Variants in NRXN1 observed in about 807,000 individuals in gnomAD.
NRXN1 encodes the protein neurexin 1.
In NRXN1, 39 loss-of-function variants were observed where a neutral mutation model predicts 150.9. That is an observed-to-expected ratio of 0.26 (90% CI 0.20 to 0.34). The LOEUF (loss-of-function observed/expected upper bound fraction) is 0.34, where lower values mean the gene tolerates loss of function less well. Ranked by LOEUF, NRXN1 falls within the 10% of genes least tolerant of loss-of-function variation. The pLI is 1.00. For missense variants in NRXN1, 1,815 were observed against 1,949.9 expected (o/e 0.93, Z 1.30); for synonymous variants, 924 against 757.0 (o/e 1.22, Z -3.62).
chr2:50,850,266 T>G (rs1431365375), intron 5 of NRXN1, among the ~76,000 whole-genome samples: 1 of 151,800 alleles, frequency 6.6e-6, no homozygotes, highest in Non-Finnish European at 1.5e-5. Context: ...TTGTTGTTGT[T>G]GCTGTTGTTT....
At chr2:50,930,199 T>C (rs1242553919) in intron 2 of NRXN1, among the ~76,000 whole-genome samples, 1 of 152,060 alleles carries the variant, frequency 6.6e-6, no homozygotes, top group Admixed American at 6.6e-5. Flanking sequence ...CAACCAGTTT[T>C]TCTCCTTCTT....
At chr2:50,037,793 C>A (rs889892868) in intron 21 of NRXN1, among the ~76,000 whole-genome samples, 1 of 152,128 alleles carries the variant, frequency 6.6e-6, no homozygotes, top group African/African-American at 2.4e-5. Context: ...AAGTGCAATA[C>A]CATAAATACT....
chr2:50,937,833 G>A (rs988717604), intron 2 of NRXN1, among the ~76,000 whole-genome samples: 21 of 152,054 alleles, frequency 1.4e-4, no homozygotes, highest in Admixed American at 3.9e-4. Flanking sequence ...CCTCAGAAAT[G>A]GGGATACGTT....
intron 17 of NRXN1, among the ~76,000 whole-genome samples, chr2:50,366,668 T>G (rs1227608800): frequency 6.6e-6 from 1 of 151,998 alleles, no homozygotes; most frequent in Non-Finnish European, 1.5e-5. Flanking sequence ...AAGGTAGGTT[T>G]TGGTAGACTG....
At chr2:50,029,394 T>C (rs548926556) in intron 21 of NRXN1, among the ~76,000 whole-genome samples, 17 of 152,288 alleles carry the variant, frequency 1.1e-4, no homozygotes, top group African/African-American at 3.4e-4. Context: ...CAAATCCATA[T>C]ATATCAAAGC....
chr2:50,302,430 A>C (rs1305748232), intron 17 of NRXN1, among the ~76,000 whole-genome samples: 1 of 152,226 alleles, frequency 6.6e-6, no homozygotes, highest in Non-Finnish European at 1.5e-5. Flanking sequence ...TTCAAGATAC[A>C]TTTTGTCAAT....
At chr2:50,219,467 A>C (rs1354462336) in intron 18 of NRXN1, among the ~76,000 whole-genome samples, 3 of 151,942 alleles carry the variant, frequency 2.0e-5, no homozygotes, top group Admixed American at 6.6e-5. Flanking sequence ...AGATTTATAC[A>C]ATTTTATTGG....
intron 5 of NRXN1, among the ~76,000 whole-genome samples, chr2:50,692,494 C>G (rs904660207): frequency 2.0e-5 from 3 of 151,928 alleles, no homozygotes; most frequent in Non-Finnish European, 2.9e-5. Flanking sequence ...ACTTCTATTT[C>G]TTTTTAATTC....
chr2:49,933,782 G>T (rs1426089037), intron 22 of NRXN1, among the ~76,000 whole-genome samples: 1 of 152,182 alleles, frequency 6.6e-6, no homozygotes, highest in African/African-American at 2.4e-5. Flanking sequence ...CCACACAGAA[G>T]GTACTGAATC....
chr2:50,177,800 T>G (rs1252947061), intron 18 of NRXN1, among the ~76,000 whole-genome samples: 1 of 150,948 alleles, frequency 6.6e-6, no homozygotes, highest in African/African-American at 2.5e-5. Context: ...TCTCTCTCTC[T>G]CTCTCTCTCT....
At position 50,493,517 on chromosome 2, in the gene NRXN1, G is replaced by T. The variant is rs373505265; in HGVS notation, c.3070+2388C>A. 2.2e-4 allele frequency among the ~76,000 whole-genome samples: 33 copies of T among 152,188 alleles called. No individual in the cohort carries two copies. The Middle Eastern group carries it at 0.02, about 94-fold the overall frequency. ...AGCTTTGCATTGCAGAAACCCTGTT[G>T]TCCTCTTTCCAAAGTCAATGCTCCA... On this transcript the variant is annotated intron_variant, in intron 15 of 22. Transcript: ENST00000401669.
chr2:50,528,280 A>G (rs1011751198), intron 12 of NRXN1, among the ~76,000 whole-genome samples: 1 of 152,148 alleles, frequency 6.6e-6, no homozygotes, highest in Non-Finnish European at 1.5e-5. Flanking sequence ...AAGACAAAAG[A>G]AAATAAGACC....
intron 21 of NRXN1, among the ~76,000 whole-genome samples, chr2:50,045,107 C>A (rs1239135314): frequency 1.3e-5 from 2 of 151,990 alleles, no homozygotes; most frequent in Non-Finnish European, 2.9e-5. Flanking sequence ...GAGGTCCCAG[C>A]CTAATGGTGT....
chr2:49,997,983 ATGC>A lies in NRXN1; in HGVS notation c.4129-54195_4129-54193del, dbSNP rs567974266. On this transcript the variant is annotated intron_variant, in intron 21 of 22. Transcript: ENST00000401669. ...CCACCACTTCAGGGATTTTTATAAA[ATGC>A]TGCTGCATTGCTTTTGCTAAAAGAG... Among the ~76,000 whole-genome samples, 26 of 152,262 alleles carry A rather than the reference ATGC, an allele frequency of 1.7e-4. 1 individual carries two copies. In the East Asian group the frequency reaches 5.0e-3, roughly 29 times the overall value.
At chr2:50,246,039 C>T (rs974740286) in intron 17 of NRXN1, among the ~76,000 whole-genome samples, 4 of 151,886 alleles carry the variant, frequency 2.6e-5, no homozygotes, top group African/African-American at 9.7e-5. Flanking sequence ...TCTAATGATG[C>T]TTCCCTAGTC....
At chr2:50,661,338 G>A (rs146051311) in intron 5 of NRXN1, among the ~76,000 whole-genome samples, 1 of 152,002 alleles carries the variant, frequency 6.6e-6, no homozygotes, top group Non-Finnish European at 1.5e-5. Flanking sequence ...GCATTTTTTT[G>A]TGGAGATTGC....
chr2:50,997,276 A>G (rs549189825), intron 2 of NRXN1, among the ~76,000 whole-genome samples: 1 of 152,052 alleles, frequency 6.6e-6, no homozygotes, highest in African/African-American at 2.4e-5. Context: ...TCTACAAAAA[A>G]TAGAAAAATT....
intron 21 of NRXN1, among the ~76,000 whole-genome samples, chr2:49,990,236 T>C (rs190401918): frequency 1.3e-5 from 2 of 152,270 alleles, no homozygotes; most frequent in East Asian, 3.9e-4. Flanking sequence ...GGAAAAACAT[T>C]TCTGTCCCAG....
Position 50,346,249 on chromosome 2 carries a change from G to A in NRXN1, c.3365-109279C>T, listed in dbSNP as rs1173698504. On this transcript the variant is annotated intron_variant, in intron 17 of 22. Transcript: ENST00000401669. This position sits in a 1 kb window ranked among gnomAD's most constrained non-coding sequence, Gnocchi z 5.0. ...CTCCCTCCCCGCCCCCCGGGGCCAG[G>A]GAAGATGGGCAGGAGGTGGGGCAGC... Among the ~76,000 whole-genome samples, 1 of 152,150 alleles carries A rather than the reference G, an allele frequency of 6.6e-6. No individual in the cohort carries two copies.
Sources: allele counts gnomAD v4.1 joint callset (sites outside exome capture counted in the v4.1 genomes callset), GRCh38; gene constraint gnomAD v4.1.1; non-coding constraint Gnocchi (gnomAD v3.1); transcripts MANE v1.5; gene names NCBI Gene and HGNC (gene_info 2026-07-23, HGNC 2026-07-21).